Variants in AIF1 observed in about 807,000 individuals in gnomAD.
AIF1 encodes interferon gamma responsive transcript.
In AIF1, 21 loss-of-function variants were observed where a neutral mutation model predicts 20.6. The ratio of observed to expected loss-of-function variants is 1.02; its 90% CI spans 0.72 to 1.47. AIF1 has a LOEUF of 1.47. Among genes scored for constraint, AIF1 ranks in the 40% most tolerant of loss-of-function variants. The probability of loss-of-function intolerance (pLI) is 0.00; values close to 1 mark genes in which losing one functional copy is unlikely to be tolerated. For missense variants in AIF1, 161 were observed against 170.5 expected (o/e 0.94, Z 0.31); for synonymous variants, 52 against 65.8 (o/e 0.79, Z 1.01).
At chr6:31,615,982 C>T (rs1455234345) in intron 3 of AIF1, 122 bp from the exon 4 acceptor site, 10 of 1,516,196 alleles carry the variant, frequency 6.6e-6, no homozygotes, top group Admixed American at 4.6e-5. Flanking sequence ...CCTCTGCCTG[C>T]CCCTCCTCCT....
chr6:31,615,780 G>A (rs1163220282), intron 3 of AIF1, 44 bp downstream of exon 3: 14 of 1,583,040 alleles, frequency 8.8e-6, no homozygotes, highest in Admixed American at 1.8e-5. Context: ...CTGGGGGTAG[G>A]AGGGTTAGGA....
At chr6:31,615,891 C>T in intron 3 of AIF1, 155 bp downstream of exon 3, 1 of 1,484,088 alleles carries the variant, frequency 6.7e-7, no homozygotes, top group African/African-American at 1.4e-5. Context: ...CACTGCGGTC[C>T]CTTTCCCGGG....
In AIF1 at chr6:31,616,413, T is replaced by G; in HGVS notation, c.266T>G (p.Leu89Ter). Residue 89 changes from leucine (L) to a stop codon, truncating the protein, a stop_gained, in exon 5 of 6, where the codon TTA (leucine) becomes TGA (stop). Transcript: ENST00000376059. LOFTEE classifies it high-confidence loss of function. The surrounding 1 kb of genome is among the most constrained non-coding windows in gnomAD (Gnocchi z 4.0). ...VPKTHLELKK[L>*]IGEVSSGSGE... is the part of the protein sequence containing the mutation. ...AAGACTCACCTAGAGCTAAAGAAATTAATTGGAGAGGTGTCCAGTGGCTCC... is the reference window on the plus strand; with the variant it reads ...AAGACTCACCTAGAGCTAAAGAAATGAATTGGAGAGGTGTCCAGTGGCTCC... 1 of 1,612,900 alleles carries G rather than the reference T, an allele frequency of 6.2e-7. No individual in the cohort carries two copies. The highest frequency in any genetic ancestry group is 8.5e-7 in the Non-Finnish European group (1 of 1,179,990).
chr6:31,615,493 G>C (rs1453286539), intron 1 of AIF1, 28 bp from the exon 2 acceptor site: 2 of 1,613,708 alleles, frequency 1.2e-6, no homozygotes, highest in East Asian at 2.2e-5. Flanking sequence ...GGAGGGATGA[G>C]GGCTGATTAA....
In AIF1 at chr6:31,616,362, G is replaced by A. The variant is rs376563950; in HGVS notation, c.215G>A (p.Arg72Gln). ...CCCCCAGATATCATGTCCCTGAAAC[G>A]AATGCTGGAGAAACTTGGAGTCCCC... ...NGDIDIMSLK[R>Q]MLEKLGVPKT... Residue 72 changes from arginine to glutamine, a missense_variant, in exon 5 of 6, where the codon CGA (arginine) becomes CAA (glutamine). Physicochemically the swap from Arg to Gln is conservative, Grantham distance 43. Coordinates refer to ENST00000376059, the MANE Select transcript of AIF1 (RefSeq NM_001623.5). This position sits in a 1 kb window ranked among gnomAD's most constrained non-coding sequence, Gnocchi z 4.0. The A allele has an allele frequency of 5.8e-5, 94 of 1,612,676 alleles. No individual in the cohort carries two copies. The highest frequency in any genetic ancestry group is 7.2e-5 in the Non-Finnish European group (85 of 1,179,978).
intron 3 of AIF1, 39 bp downstream of exon 3, chr6:31,615,775 G>C: frequency 6.3e-7 from 1 of 1,587,434 alleles, no homozygotes; most frequent in Non-Finnish European, 8.6e-7. Context: ...CAGGGCTGGG[G>C]GTAGGAGGGT....
rs1774442648 is a variant in AIF1, at chr6:31,617,004, C to A, written c.*104C>A. The A allele has an allele frequency of 1.4e-6, 2 of 1,480,212 alleles. No homozygotes were observed. Among genetic ancestry groups the A allele is most frequent in the East Asian group, 2.3e-5 (1 of 42,718 alleles). 91.7% of individuals were successfully genotyped at this position (1,480,212 alleles called of 1,614,324 possible). A position where few individuals can be genotyped will look rare whatever the true frequency, so the allele number is the denominator to read the frequency against. ...CAGAGTCAACAAATTAAATAAATTACCCCCTCCTCCAGATCAAGTCAGCTT... is the reference window on the plus strand; with the variant it reads ...CAGAGTCAACAAATTAAATAAATTAACCCCTCCTCCAGATCAAGTCAGCTT... On this transcript the variant is annotated 3_prime_UTR_variant, in exon 6 of 6. Transcript: ENST00000376059.
intron 1 of AIF1, 51 bp from the exon 2 acceptor site, chr6:31,615,470 T>A (rs745474870): frequency 5.4e-5 from 87 of 1,612,166 alleles, no homozygotes; most frequent in Non-Finnish European, 7.0e-5. Flanking sequence ...GGTGTCAGGG[T>A]AAGGAGAGGA....
Position 31,615,576 on chromosome 6 carries a change from C to T in AIF1, c.81C>T (p.Ile27=). 1.2e-6 allele frequency: 2 copies of T among 1,611,438 alleles called. No individual in the cohort carries two copies. The highest frequency in any genetic ancestry group is 1.7e-6 in the Non-Finnish European group (2 of 1,179,522). The change falls in exon 2 of 6, where the codon ATC becomes ATT. Residue 27 remains isoleucine (I), a synonymous_variant. Coordinates refer to ENST00000376059, the MANE Select transcript of AIF1 (RefSeq NM_001623.5). Reference sequence around the variant, plus strand: ...AGCAGGAAGAGAGGCTGGATGAGATCAACAAGGTAGAAGGAAGAACTAAGG... The same window carrying T: ...AGCAGGAAGAGAGGCTGGATGAGATTAACAAGGTAGAAGGAAGAACTAAGG... The part of the protein sequence containing the change: ...KAQQEERLDE[I]NKQFLDDPKY...
At position 31,616,001 on chromosome 6, in the gene AIF1, G is replaced by A. The variant is rs531384426; in HGVS notation, c.155-103G>A. 5 of 1,519,600 alleles carry A rather than the reference G, an allele frequency of 3.3e-6. No individual in the cohort carries two copies. The highest frequency in any genetic ancestry group is 2.3e-5 in the East Asian group (1 of 44,104). 94.1% of individuals were successfully genotyped at this position (1,519,600 alleles called of 1,614,324 possible). ...TGCCTGCCCCTCCTCCTCCTTCCACGTTGTCTCCTCCACCTAGCAGTTGGT... is the reference window on the plus strand; with the variant it reads ...TGCCTGCCCCTCCTCCTCCTTCCACATTGTCTCCTCCACCTAGCAGTTGGT... On this transcript the variant is annotated intron_variant, in intron 3 of 5. Coordinates refer to ENST00000376059, the MANE Select transcript of AIF1 (RefSeq NM_001623.5). This position sits in a 1 kb window ranked among gnomAD's most constrained non-coding sequence, Gnocchi z 4.0.
intron 3 of AIF1, 161 bp from the exon 4 acceptor site, chr6:31,615,943 C>T (rs1774307599): frequency 1.1e-5 from 16 of 1,480,118 alleles, no homozygotes; most frequent in African/African-American, 1.4e-5. Flanking sequence ...TACACCCTAG[C>T]GGGGCCCCTC....
chr6:31,616,446 C>A lies in AIF1; in HGVS notation c.299C>A (p.Thr100Lys). Residue 100 changes from threonine (T) to lysine (K), a missense_variant, in exon 5 of 6, where the codon ACG becomes AAG. Thr to Lys is a moderately conservative substitution (Grantham distance 78, BLOSUM62 -1). Coordinates refer to ENST00000376059, the MANE Select transcript of AIF1 (RefSeq NM_001623.5). The surrounding 1 kb of genome is among the most constrained non-coding windows in gnomAD (Gnocchi z 4.0). Reference sequence around the variant, plus strand: ...GAGGTGTCCAGTGGCTCCGGGGAGACGTTCAGCTACCCTGACTTTCTCAGG... The same window carrying A: ...GAGGTGTCCAGTGGCTCCGGGGAGAAGTTCAGCTACCCTGACTTTCTCAGG... ...IGEVSSGSGE[T>K]FSYPDFLRMM... is the part of the protein sequence containing the mutation. 6.2e-7 allele frequency: 1 copy of A among 1,612,966 alleles called. No individual in the cohort carries two copies. The highest frequency in any genetic ancestry group is 1.3e-5 in the African/African-American group (1 of 75,010).
At position 31,616,927 on chromosome 6, in the gene AIF1, TG is replaced by T; in HGVS notation, c.*28del. 1 of 1,613,980 alleles carries T rather than the reference TG, an allele frequency of 6.2e-7. No individual in the cohort carries two copies. The highest frequency in any genetic ancestry group is 1.3e-5 in the African/African-American group (1 of 75,024). ...TTGAAGGGAAAAGGGATGATGGGAT[TG>T]AAGGGGCTTCTAATGACCCAGATAT... is the stretch of plus-strand genomic sequence containing the variant. On this transcript the variant is annotated 3_prime_UTR_variant, in exon 6 of 6. Transcript: ENST00000376059. The surrounding 1 kb of genome is among the most constrained non-coding windows in gnomAD (Gnocchi z 4.0).
In AIF1 at chr6:31,616,552, TCCCCC is replaced by T; in HGVS notation, c.359+47_359+51del. ...TCCCCTGTACTTACCTGTTTTCTCC[TCCCCC>T]ATCCCTACCCTTGTCCACAGGCTCA... On this transcript the variant is annotated intron_variant, in intron 5 of 5. Coordinates refer to ENST00000376059, the MANE Select transcript of AIF1 (RefSeq NM_001623.5). This position sits in a 1 kb window ranked among gnomAD's most constrained non-coding sequence, Gnocchi z 4.0. 1 of 1,556,556 alleles carries T rather than the reference TCCCCC, an allele frequency of 6.4e-7. No homozygotes were observed. The highest frequency in any genetic ancestry group is 8.7e-7 in the Non-Finnish European group (1 of 1,152,070).
In AIF1 at chr6:31,616,090, C is replaced by T; in HGVS notation, c.155-14C>T. ...AGTCAGCGCTTATCCCTTCTGCTCT[C>T]TCCCCTCACCCAGAGAAATACATGG... On this transcript the variant is annotated splice_polypyrimidine_tract_variant and intron_variant, in intron 3 of 5. Coordinates refer to ENST00000376059, the MANE Select transcript of AIF1 (RefSeq NM_001623.5). This position sits in a 1 kb window ranked among gnomAD's most constrained non-coding sequence, Gnocchi z 4.0. 6.4e-7 allele frequency: 1 copy of T among 1,568,920 alleles called. No individual in the cohort carries two copies. Among genetic ancestry groups the T allele is most frequent in the Non-Finnish European group, 8.6e-7 (1 of 1,156,294 alleles).
chr6:31,615,498 G>A (rs1341208290), intron 1 of AIF1, 23 bp from the exon 2 acceptor site: 2 of 1,613,628 alleles, frequency 1.2e-6, no homozygotes, highest in Non-Finnish European at 1.7e-6. Flanking sequence ...GATGAGGGCT[G>A]ATTAATTTTT....
chr6:31,616,592 C>G lies in AIF1; in HGVS notation c.359+86C>G. ...CTTGTCCACAGGCTCAACATTTCTA[C>G]ACGTTGCCCATCATCCCTTCTTCCA... is the stretch of plus-strand genomic sequence containing the variant. On this transcript the variant is annotated intron_variant, in intron 5 of 5. Transcript: ENST00000376059. The surrounding 1 kb of genome is among the most constrained non-coding windows in gnomAD (Gnocchi z 4.0). 1 of 1,525,836 alleles carries G rather than the reference C, an allele frequency of 6.6e-7. No individual in the cohort carries two copies. 94.5% of individuals were successfully genotyped at this position (1,525,836 alleles called of 1,614,324 possible). A position where few individuals can be genotyped will look rare whatever the true frequency, so the allele number is the denominator to read the frequency against.
intron 1 of AIF1, 64 bp from the exon 2 acceptor site, chr6:31,615,457 G>A: frequency 1.2e-6 from 2 of 1,613,602 alleles, no homozygotes; most frequent in Non-Finnish European, 1.7e-6. Flanking sequence ...GGTAGCCCGG[G>A]CTGGTGTCAG....
chr6:31,616,805 A>G lies in AIF1; in HGVS notation c.360-11A>G, dbSNP rs775544225. 17 of 1,613,864 alleles carry G rather than the reference A, an allele frequency of 1.1e-5. No homozygotes were observed. The East Asian group carries it at 1.1e-4, about 11-fold the overall frequency. ...TTCCCTGATCCCTGTGCCTCTTCCC[A>G]TCTCAACCAGGATCCTGATGTATGA... On this transcript the variant is annotated splice_polypyrimidine_tract_variant and intron_variant, in intron 5 of 5. Coordinates refer to ENST00000376059, the MANE Select transcript of AIF1 (RefSeq NM_001623.5). The surrounding 1 kb of genome is among the most constrained non-coding windows in gnomAD (Gnocchi z 4.0).
Sources: gnomAD v4.1 joint callset for allele counts on GRCh38, gnomAD v4.1.1 for gene constraint, Gnocchi (gnomAD v3.1) non-coding constraint, MANE v1.5 for transcripts, NCBI Gene and HGNC (gene_info 2026-07-23, HGNC 2026-07-21) for gene names.